The following USP9X variants were observed in gnomAD, a reference collection of about 807,000 sequenced individuals.
USP9X encodes the protein ubiquitin carboxyl-terminal hydrolase 9X.
Under a neutral mutation model 190.3 loss-of-function variants are expected in USP9X, and 7 were observed. That is an observed-to-expected ratio of 0.04 (90% CI 0.02 to 0.07). The LOEUF (loss-of-function observed/expected upper bound fraction) is 0.07. Ranked by LOEUF, USP9X falls within the 10% of genes least tolerant of loss-of-function variation. USP9X has a pLI of 1.00. For synonymous variants in USP9X, 645 were observed against 659.5 expected (o/e 0.98, Z 0.34); for missense variants, 1,010 against 1,916.9 (o/e 0.53, Z 8.83).
At chrX:41,212,672 T>C (rs1463936278) in intron 33 of USP9X, among the ~76,000 whole-genome samples, 3 of 111,354 alleles carry the variant, frequency 2.7e-5, no homozygotes, top group Non-Finnish European at 5.6e-5. Flanking sequence ...TGCAATCGTT[T>C]TTCACCAAAA....
chrX:41,203,036 A>G (rs1427886809), intron 31 of USP9X, among the ~76,000 whole-genome samples: 3 of 111,468 alleles, frequency 2.7e-5, no homozygotes, highest in East Asian at 5.6e-4. Context: ...CTATTTCTAT[A>G]TCAGAGTTAT....
chrX:41,192,135 T>TA (rs1196718331), intron 26 of USP9X, among the ~76,000 whole-genome samples: 1 of 111,954 alleles, frequency 8.9e-6, no homozygotes, highest in Non-Finnish European at 1.9e-5. Context: ...CTCTAGAAAA[T>TA]ATGAGCATGT....
At chrX:41,151,751 AG>A (rs765700365) in intron 13 of USP9X, among the ~76,000 whole-genome samples, 2 of 112,404 alleles carry the variant, frequency 1.8e-5, no homozygotes, top group Non-Finnish European at 3.8e-5. Context: ...GAGGCCGAGG[AG>A]GGCGGATCAC....
At chrX:41,214,523 G>A in intron 33 of USP9X, 45 bp from the exon 34 acceptor site, 1 of 1,095,555 alleles carries the variant, frequency 9.1e-7, no homozygotes, top group South Asian at 2.3e-5. Context: ...TAACTAAAAT[G>A]TTTACAAAAC....
intron 1 of USP9X, among the ~76,000 whole-genome samples, chrX:41,111,356 A>G (rs2062107383): frequency 8.9e-6 from 1 of 111,981 alleles, no homozygotes; most frequent in Non-Finnish European, 1.9e-5. Flanking sequence ...TAGACTCCCC[A>G]GCCTCCAGAA....
Position 41,229,061 on chromosome X carries a change from G to A in USP9X, c.7062-192G>A, listed in dbSNP as rs375741703. 26 of 296,832 alleles carry A rather than the reference G, an allele frequency of 8.8e-5. No homozygotes were observed. The South Asian group carries it at 9.9e-4, about 11-fold the overall frequency. The allele number at this position is 296,832 out of a possible 1,213,427, so 24.5% of individuals were successfully genotyped here. On this transcript the variant is annotated intron_variant, in intron 41 of 44. Transcript: ENST00000378308. ...AGGACTTGAAGTAAGCCGAGATGGC[G>A]CCACTGCACTCCAGCCCAGGCCGTC...
At position 41,131,411 on chromosome X, in the gene USP9X, T is replaced by C. The variant is rs2062315598; in HGVS notation, c.243-46T>C. 2.8e-6 allele frequency: 3 copies of C among 1,072,167 alleles called. No homozygotes were observed. The African/African-American group carries it at 5.5e-5, about 20-fold the overall frequency. 88.4% of individuals were successfully genotyped at this position (1,072,167 alleles called of 1,213,427 possible). A position where few individuals can be genotyped will look rare whatever the true frequency, so the allele number is the denominator to read the frequency against. ...TAGTAGCTCATTTGTAGTGCCTCTT[T>C]TAGTGTACAACCATTAAGCATGTTT... On this transcript the variant is annotated intron_variant, in intron 3 of 44. Transcript: ENST00000378308.
At chrX:41,180,856 G>A (rs1452491976) in intron 21 of USP9X, among the ~76,000 whole-genome samples, 2 of 112,140 alleles carry the variant, frequency 1.8e-5, no homozygotes, top group East Asian at 5.6e-4. Flanking sequence ...AAAGTCTGTT[G>A]TAAGCTCTTA....
intron 1 of USP9X, among the ~76,000 whole-genome samples, chrX:41,118,765 A>G (rs1458189553): frequency 8.9e-6 from 1 of 112,098 alleles, no homozygotes. Context: ...TCTGTGTTCA[A>G]GATTCCCAAG....
intron 1 of USP9X, among the ~76,000 whole-genome samples, chrX:41,121,805 A>T (rs1256292697): frequency 9.0e-6 from 1 of 111,619 alleles, no homozygotes; most frequent in Non-Finnish European, 1.9e-5. Flanking sequence ...TCAGTGTTTT[A>T]AACAAAATCA....
At chrX:41,098,474 TTTGAACTTCGGATAAATGG>T (rs2062009322) in intron 1 of USP9X, among the ~76,000 whole-genome samples, 1 of 110,093 alleles carries the variant, frequency 9.1e-6, no homozygotes. Flanking sequence ...TATGCCTATT[TTTGAACTTCGGATAAATGG>T]AGTAATACAC....
intron 24 of USP9X, 150 bp downstream of exon 24, chrX:41,186,792 T>C: frequency 1.5e-6 from 1 of 652,733 alleles, no homozygotes; most frequent in Non-Finnish European, 2.3e-6. Context: ...ACTTTATGTA[T>C]AATAAACAGC....
intron 31 of USP9X, among the ~76,000 whole-genome samples, chrX:41,203,324 G>C (rs1448245845): frequency 9.0e-6 from 1 of 111,647 alleles, no homozygotes; most frequent in Non-Finnish European, 1.9e-5. Context: ...TCAAACTGTA[G>C]TCATTAAGCT....
chrX:41,101,542 C>T (rs769301297), intron 1 of USP9X, among the ~76,000 whole-genome samples: 1 of 111,467 alleles, frequency 9.0e-6, no homozygotes, highest in Non-Finnish European at 1.9e-5. Context: ...CCTCCACCTC[C>T]TGGGTTCAAA....
chrX:41,135,473 A>G (rs2062364046), intron 5 of USP9X, among the ~76,000 whole-genome samples: 2 of 111,882 alleles, frequency 1.8e-5, no homozygotes, highest in African/African-American at 6.5e-5. Context: ...AGCAAACACA[A>G]TTCCTCTCTG....
chrX:41,188,584 G>A (rs769737017), intron 25 of USP9X, among the ~76,000 whole-genome samples: 1 of 111,765 alleles, frequency 8.9e-6, no homozygotes, highest in East Asian at 2.8e-4. Flanking sequence ...AGCTGTGGTT[G>A]GCTTTTTGAT....
chrX:41,182,796 CTA>C (rs1405625776), intron 21 of USP9X, among the ~76,000 whole-genome samples: 1 of 111,138 alleles, frequency 9.0e-6, no homozygotes, highest in African/African-American at 3.3e-5. Context: ...ATTATAAAAA[CTA>C]TTTTAATTGG....
chrX:41,199,128 G>A (rs997644571), intron 30 of USP9X, among the ~76,000 whole-genome samples: 5 of 110,487 alleles, frequency 4.5e-5, no homozygotes, highest in Non-Finnish European at 9.5e-5. Context: ...AGGTTGCAGT[G>A]AGCCGAGATC....
At chrX:41,217,851 C>T (rs2063226570) in intron 36 of USP9X, among the ~76,000 whole-genome samples, 1 of 111,969 alleles carries the variant, frequency 8.9e-6, no homozygotes, top group Non-Finnish European at 1.9e-5. Context: ...GACTGTGCCA[C>T]TGCACTCCAG....
Sources: gnomAD v4.1 joint callset for allele counts (sites outside exome capture counted in the v4.1 genomes callset) on GRCh38, gnomAD v4.1.1 for gene constraint, MANE v1.5 for transcripts, NCBI Gene and HGNC (gene_info 2026-07-23, HGNC 2026-07-21) for gene names.